NEB: variants seen among roughly 807,000 people sequenced by gnomAD.
NEB encodes the protein nemaline myopathy type 2.
NEB carries 512 observed loss-of-function variants against 952.2 expected under a neutral mutation model. That is an observed-to-expected ratio of 0.54 (90% CI 0.50 to 0.58). The LOEUF (loss-of-function observed/expected upper bound fraction) is 0.58, where lower values mean the gene tolerates loss of function less well. NEB is among the 20% of genes least tolerant of loss of function. NEB has a pLI of 0.00. For synonymous variants in NEB, 2,900 were observed against 3,149.8 expected, an observed-to-expected ratio of 0.92 and a Z score of 2.66; for missense variants, 8,428 against 9,231.1, an observed-to-expected ratio of 0.91 and a Z score of 3.56.
chr2:151,554,138 T>A lies in NEB; in HGVS notation c.19429-113A>T, dbSNP rs1413920407. The A allele has an allele frequency of 3.3e-6, 3 of 920,560 alleles. No individual in the cohort carries two copies. The Admixed American group carries it at 6.4e-5, about 20-fold the overall frequency. 57.0% of individuals were successfully genotyped at this position (920,560 alleles called of 1,614,324 possible). On this transcript the variant is annotated intron_variant, in intron 125 of 181. Transcript: ENST00000397345. ...CAGCGAACAGTTGGGGGCAGGGCAG[T>A]GACTGGTATTTTCTGACATTTTCTA... is the stretch of plus-strand genomic sequence containing the variant.
chr2:151,672,506 C>A lies in NEB; in HGVS notation c.4162G>T (p.Val1388Phe). Residue 1388 changes from valine to phenylalanine, a missense_variant, in exon 37 of 182, where the codon GTT (valine) becomes TTT (phenylalanine). Val to Phe is a conservative substitution (Grantham distance 50, BLOSUM62 -1). Around this residue, in one of 11 missense-constraint regions of NEB, gnomAD observed 2,851 missense variants for 2,791.5 expected, o/e 1.02. Coordinates refer to ENST00000397345, the MANE Select transcript of NEB (RefSeq NM_001164508.2). ...KTSYHTPGDM[V>F]SITAAKMAQD... ...GCCATCTTTGCAGCTGTGATGCTAA[C>A]CATGTCCCCAGGGGTATGGTAGCTG... The A allele has an allele frequency of 6.2e-7, 1 of 1,613,998 alleles. No individual in the cohort carries two copies. Among genetic ancestry groups the A allele is most frequent in the Non-Finnish European group, 8.5e-7 (1 of 1,179,882 alleles).
intron 144 of NEB, among the ~76,000 whole-genome samples, chr2:151,531,429 G>A (rs1293246001): frequency 7.0e-6 from 1 of 143,360 alleles, no homozygotes; most frequent in Non-Finnish European, 1.5e-5. Flanking sequence ...CAATTGTCAC[G>A]CCTCAGCCTC....
intron 179 of NEB, 152 bp downstream of exon 179, chr2:151,491,531 T>C (rs2056651322): frequency 1.6e-6 from 1 of 644,752 alleles, no homozygotes; most frequent in Non-Finnish European, 2.7e-6. Context: ...TAAGTTTTGC[T>C]CACTAGTTAA....
At chr2:151,551,602 G>GT in intron 129 of NEB, 136 bp downstream of exon 129, 1 of 677,412 alleles carries the variant, frequency 1.5e-6, no homozygotes, top group Non-Finnish European at 2.6e-6. Context: ...TATGCTCTGT[G>GT]TTTTTGTTTT....
chr2:151,728,284 G>A (rs1489638769), intron 4 of NEB, among the ~76,000 whole-genome samples: 1 of 152,174 alleles, frequency 6.6e-6, no homozygotes, highest in African/African-American at 2.4e-5. Context: ...GCAAACTTGA[G>A]TTCGGGGAAC....
At chr2:151,532,766 A>G (rs2091977837) in intron 143 of NEB, among the ~76,000 whole-genome samples, 1 of 152,022 alleles carries the variant, frequency 6.6e-6, no homozygotes, top group Admixed American at 6.6e-5. Flanking sequence ...TTGGTCTGGG[A>G]AAAATGGTAT....
At chr2:151,676,222 AC>A (rs2099358130) in intron 34 of NEB, among the ~76,000 whole-genome samples, 1 of 152,242 alleles carries the variant, frequency 6.6e-6, no homozygotes, top group African/African-American at 2.4e-5. Context: ...TTCTTCTAGG[AC>A]CCAAAGAGTT....
At chr2:151,517,404 ATAGT>A (rs779111494) in intron 156 of NEB, among the ~76,000 whole-genome samples, 28 of 152,250 alleles carry the variant, frequency 1.8e-4, no homozygotes, top group African/African-American at 3.4e-4. Flanking sequence ...GACGTTTCTA[ATAGT>A]TAGTCCTCAT....
chr2:151,593,733 C>T (rs2097337138), intron 93 of NEB, among the ~76,000 whole-genome samples: 1 of 96,670 alleles, frequency 1.0e-5, no homozygotes, highest in Non-Finnish European at 2.3e-5. Flanking sequence ...TATGATTATG[C>T]AAAGGTAACG....
At position 151,553,417 on chromosome 2, in the gene NEB, G is replaced by C; in HGVS notation, c.19712C>G (p.Ala6571Gly). 1 of 1,612,924 alleles carries C rather than the reference G, an allele frequency of 6.2e-7. No homozygotes were observed. The highest frequency in any genetic ancestry group is 1.3e-5 in the African/African-American group (1 of 75,030). Residue 6571 changes from alanine (A) to glycine (G), a missense_variant, in exon 127 of 182, where the codon GCT (alanine) becomes GGT (glycine). Ala to Gly is a moderately conservative substitution (Grantham distance 60, BLOSUM62 0). Coordinates refer to ENST00000397345, the MANE Select transcript of NEB (RefSeq NM_001164508.2). ...DTPEILHAKH[A>G]YDLRDDIKYK... is the part of the protein sequence containing the mutation. The stretch of plus-strand genomic sequence containing the variant: ...ACTCACATCATCACGTAGATCATAA[G>C]CATGCTTGGCATGGAGGATTTCAGG...
chr2:151,558,608 A>G (rs779085482), intron 124 of NEB, among the ~76,000 whole-genome samples: 1 of 152,204 alleles, frequency 6.6e-6, no homozygotes, highest in Non-Finnish European at 1.5e-5. Context: ...AGATATATAG[A>G]CCAATGGAAC....
At chr2:151,640,242 T>C in intron 61 of NEB, 113 bp downstream of exon 61, 5 of 1,496,386 alleles carry the variant, frequency 3.3e-6, no homozygotes, top group Non-Finnish European at 4.5e-6. Flanking sequence ...ATAAAGGCAA[T>C]GCTATTTGCC....
chr2:151,617,833 G>T (rs1188272139), intron 74 of NEB, among the ~76,000 whole-genome samples: 2 of 151,856 alleles, frequency 1.3e-5, no homozygotes, highest in African/African-American at 4.8e-5. Flanking sequence ...AGGCCGAGAT[G>T]GGTGGATCAC....
At chr2:151,534,596 A>G (rs889208078) in intron 142 of NEB, among the ~76,000 whole-genome samples, 22 of 152,200 alleles carry the variant, frequency 1.4e-4, no homozygotes, top group African/African-American at 4.6e-4. Context: ...CATTAACAAC[A>G]TTAGGTTTTA....
Position 151,671,015 on chromosome 2 carries a change from G to C in NEB, c.4506+8C>G. Reference sequence around the variant, plus strand: ...ACGGGCAAATCATTTTGAAAGGAAAGCACTCACATCACTTAGCTGCTTTGT... The same window carrying C: ...ACGGGCAAATCATTTTGAAAGGAAACCACTCACATCACTTAGCTGCTTTGT... On this transcript the variant is annotated splice_region_variant and intron_variant, in intron 38 of 181. Coordinates refer to ENST00000397345, the MANE Select transcript of NEB (RefSeq NM_001164508.2). 6.2e-7 allele frequency: 1 copy of C among 1,610,928 alleles called. No homozygotes were observed. The highest frequency in any genetic ancestry group is 8.5e-7 in the Non-Finnish European group (1 of 1,177,044).
At chr2:151,551,332 T>C (rs1033631780) in intron 129 of NEB, among the ~76,000 whole-genome samples, 1 of 152,148 alleles carries the variant, frequency 6.6e-6, no homozygotes, top group South Asian at 2.1e-4. Context: ...ATCAGCACCA[T>C]TGGGTAACAT....
At chr2:151,669,352 T>C (rs1285083517) in intron 38 of NEB, among the ~76,000 whole-genome samples, 1 of 152,194 alleles carries the variant, frequency 6.6e-6, no homozygotes, top group Non-Finnish European at 1.5e-5. Context: ...TGGTAAGTTC[T>C]GTGTTTAAAG....
chr2:151,513,446 C>T (rs558437971), intron 160 of NEB, 134 bp downstream of exon 160: 69 of 669,262 alleles, frequency 1.0e-4, no homozygotes, highest in Non-Finnish European at 1.3e-4. Context: ...GGATGGCTTC[C>T]TCCAGGCAGA....
chr2:151,525,066 G>C (rs1203447149), intron 151 of NEB, 97 bp downstream of exon 151: 4 of 910,590 alleles, frequency 4.4e-6, no homozygotes, highest in Admixed American at 2.2e-5. Flanking sequence ...CTACCACAGA[G>C]GAATTAGAGT....
Sources: allele counts gnomAD v4.1 joint callset (sites outside exome capture counted in the v4.1 genomes callset), GRCh38; gene constraint gnomAD v4.1.1; regional missense constraint gnomAD v4.1.1; transcripts MANE v1.5; gene names NCBI Gene and HGNC (gene_info 2026-07-23, HGNC 2026-07-21).